DPY19L2: variants seen among roughly 807,000 people sequenced by gnomAD.
DPY19L2 encodes dpy-19 like 2, also known as probable C-mannosyltransferase DPY19L2.
Under a neutral mutation model 97.9 loss-of-function variants are expected in DPY19L2, and 34 were observed. The observed-to-expected ratio is 0.35, with a 90% CI of 0.26 to 0.46. The LOEUF is 0.46. Among genes scored for constraint, DPY19L2 ranks in the 20% least tolerant of loss-of-function variants. DPY19L2 has a pLI of 1.00. For synonymous variants in DPY19L2, 230 were observed against 307.9 expected (o/e 0.75, Z 2.65); for missense variants, 623 against 911.4 (o/e 0.68, Z 4.07).
At chr12:63,635,034 T>G (rs1032038696) in intron 6 of DPY19L2, among the ~76,000 whole-genome samples, 1 of 152,104 alleles carries the variant, frequency 6.6e-6, no homozygotes, top group Non-Finnish European at 1.5e-5. Context: ...CACCCCCCAG[T>G]AGGGGCAGAC....
At chr12:63,610,592 A>G (rs1368495102) in intron 11 of DPY19L2, among the ~76,000 whole-genome samples, 12 of 151,504 alleles carry the variant, frequency 7.9e-5, no homozygotes, top group Non-Finnish European at 1.5e-4. Flanking sequence ...CAACAGATCT[A>G]TAACTAATAA....
At chr12:63,661,952 A>C (rs1317491987) in intron 3 of DPY19L2, among the ~76,000 whole-genome samples, 4 of 152,158 alleles carry the variant, frequency 2.6e-5, no homozygotes, top group African/African-American at 9.7e-5. Flanking sequence ...CATCATGAGC[A>C]AGGAATCCAG....
intron 6 of DPY19L2, among the ~76,000 whole-genome samples, chr12:63,635,268 A>C (rs1891446209): frequency 1.3e-5 from 2 of 152,144 alleles, no homozygotes; most frequent in African/African-American, 2.4e-5. Flanking sequence ...ACCCACACCA[A>C]AATCCCATCT....
At chr12:63,638,928 A>T (rs1238827801) in intron 6 of DPY19L2, among the ~76,000 whole-genome samples, 1 of 151,970 alleles carries the variant, frequency 6.6e-6, no homozygotes, top group Non-Finnish European at 1.5e-5. Context: ...AAAGCTGGAG[A>T]CATCACGCTA....
At chr12:63,628,477 G>A (rs1225204258) in intron 6 of DPY19L2, among the ~76,000 whole-genome samples, 1 of 152,126 alleles carries the variant, frequency 6.6e-6, no homozygotes, top group Admixed American at 6.5e-5. Context: ...TGCTAGCACA[G>A]CAGTCTGAGA....
At chr12:63,594,463 TAGTGTG>T (rs1438274102) in intron 15 of DPY19L2, among the ~76,000 whole-genome samples, 1 of 71,166 alleles carries the variant, frequency 1.4e-5, no homozygotes, top group Non-Finnish European at 2.9e-5. Context: ...GAGAGAGAGA[TAGTGTG>T]TGTGTGTGTG....
rs1880674865 is a variant in DPY19L2 at position 63,580,505 on chromosome 12, T to G, written c.1900+157A>C. Among the ~76,000 whole-genome samples, 3 of 152,184 alleles carry G rather than the reference T, an allele frequency of 2.0e-5. No individual in the cohort carries two copies. The South Asian group carries it at 6.2e-4, about 31-fold the overall frequency. ...AGGGTTTAATTGATTGACATTGCAA[T>G]AGTCTGCTCAAAGTCTGTGAGAGTA... On this transcript the variant is annotated intron_variant, in intron 19 of 21. Transcript: ENST00000324472.
chr12:63,631,080 A>G (rs1296764137), intron 6 of DPY19L2, among the ~76,000 whole-genome samples: 2 of 152,156 alleles, frequency 1.3e-5, no homozygotes, highest in African/African-American at 4.8e-5. Context: ...GTGTAGAGGG[A>G]AATTTATAGC....
At chr12:63,638,112 T>C (rs1892063123) in intron 6 of DPY19L2, among the ~76,000 whole-genome samples, 2 of 152,114 alleles carry the variant, frequency 1.3e-5, no homozygotes, top group South Asian at 2.1e-4. Flanking sequence ...AAAAACCACA[T>C]GATTATCTCA....
chr12:63,558,993 A>T lies in DPY19L2; in HGVS notation c.*1519T>A, dbSNP rs1876020710. 2 of 152,198 alleles carry T rather than the reference A, an allele frequency of 1.3e-5. No homozygotes were observed. The highest frequency in any genetic ancestry group is 2.9e-5 in the Non-Finnish European group (2 of 68,028). 9.4% of individuals were successfully genotyped at this position (152,198 alleles called of 1,614,324 possible). A position where few individuals can be genotyped will look rare whatever the true frequency, so the allele number is the denominator to read the frequency against. ...TACTGAATATTTTATTAGCTAATAC[A>T]GTACCATTTTAAAAGTTCTACCAAC... On this transcript the variant is annotated 3_prime_UTR_variant, in exon 22 of 22. Coordinates refer to ENST00000324472, the MANE Select transcript of DPY19L2 (RefSeq NM_173812.5).
chr12:63,640,511 ATAT>A (rs1265543342), intron 6 of DPY19L2, among the ~76,000 whole-genome samples: 25 of 152,326 alleles, frequency 1.6e-4, no homozygotes, highest in African/African-American at 6.0e-4. Context: ...TAGAAGCGGA[ATAT>A]CTACCTTCCC....
At chr12:63,613,475 C>T (rs2137709341) in intron 11 of DPY19L2, among the ~76,000 whole-genome samples, 1 of 152,216 alleles carries the variant, frequency 6.6e-6, no homozygotes, top group South Asian at 2.1e-4. Flanking sequence ...TGATAAAGGG[C>T]TTCTCTGAAA....
chr12:63,582,613 G>A, intron 17 of DPY19L2, 88 bp from the exon 18 acceptor site: 3 of 1,339,960 alleles, frequency 2.2e-6, no homozygotes, highest in African/African-American at 1.5e-5. Flanking sequence ...TATTCATTAA[G>A]ACAAGGATCT....
At chr12:63,630,085 A>G (rs1890314433) in intron 6 of DPY19L2, among the ~76,000 whole-genome samples, 1 of 152,194 alleles carries the variant, frequency 6.6e-6, no homozygotes, top group African/African-American at 2.4e-5. Context: ...ATGGAAAGGA[A>G]CAACTGGTAC....
In DPY19L2 at chr12:63,668,184, T is replaced by C. The variant is rs1410467848; in HGVS notation, c.210A>G (p.Leu70=). The change falls in exon 1 of 22, where the codon CTA becomes CTG. Residue 70 remains leucine, a synonymous_variant. Transcript: ENST00000324472. ...GAAGAAAGGTCTTGGCCACCACCTC[T>C]AGCTCCAAGCCTTTTCGCTCTTTCA... ...QSLKERKGLE[L]EVVAKTFLLG... is the part of the protein sequence containing the mutation. The C allele has an allele frequency of 3.7e-6, 6 of 1,613,772 alleles. No individual in the cohort carries two copies. Among genetic ancestry groups the C allele is most frequent in the Non-Finnish European group, 5.1e-6 (6 of 1,179,948 alleles).
intron 21 of DPY19L2, among the ~76,000 whole-genome samples, chr12:63,566,800 A>C (rs1364304455): frequency 1.3e-5 from 2 of 152,040 alleles, no homozygotes; most frequent in Non-Finnish European, 2.9e-5. Context: ...TTCTGGGAAA[A>C]AATGCCCAAT....
intron 8 of DPY19L2, among the ~76,000 whole-genome samples, chr12:63,622,047 T>C (rs1888776696): frequency 6.6e-6 from 1 of 152,182 alleles, no homozygotes; most frequent in South Asian, 2.1e-4. Flanking sequence ...CAATCGTATA[T>C]AAATTTTCAA....
intron 6 of DPY19L2, among the ~76,000 whole-genome samples, chr12:63,627,192 G>A (rs1279597136): frequency 6.6e-6 from 1 of 152,184 alleles, no homozygotes; most frequent in African/African-American, 2.4e-5. Flanking sequence ...GGGACTGAGA[G>A]ATGAAGATGA....
chr12:63,590,424 A>G (rs1290146786), intron 16 of DPY19L2, among the ~76,000 whole-genome samples: 4 of 152,190 alleles, frequency 2.6e-5, no homozygotes, highest in African/African-American at 9.7e-5. Context: ...AATACTTAGA[A>G]TAAGTGTACC....
Sources: allele counts gnomAD v4.1 joint callset (sites outside exome capture counted in the v4.1 genomes callset), GRCh38; gene constraint gnomAD v4.1.1; transcripts MANE v1.5; gene names NCBI Gene and HGNC (gene_info 2026-07-23, HGNC 2026-07-21).